LMBR1: variants seen among roughly 807,000 people sequenced by gnomAD.
LMBR1 encodes the protein limb region 1 protein homolog.
A neutral mutation model predicts 73.9 loss-of-function variants in LMBR1; 52 were observed. The ratio of observed to expected loss-of-function variants is 0.70; its 90% CI spans 0.56 to 0.89. LMBR1 has a LOEUF of 0.89. Among genes scored for constraint, LMBR1 ranks in the 40% least tolerant of loss-of-function variants. The pLI is 0.00. For missense variants in LMBR1, 539 were observed against 579.8 expected (o/e 0.93, Z 0.72); for synonymous variants, 215 against 209.4 (o/e 1.03, Z -0.23).
chr7:156,767,697 T>C (rs1180964840), intron 5 of LMBR1, among the ~76,000 whole-genome samples: 2 of 151,750 alleles, frequency 1.3e-5, no homozygotes, highest in Non-Finnish European at 2.9e-5. Flanking sequence ...ATAGTTAATA[T>C]AGTAAAAAAC....
chr7:156,714,170 C>T (rs1812695066), intron 15 of LMBR1, among the ~76,000 whole-genome samples: 1 of 152,326 alleles, frequency 6.6e-6, no homozygotes, highest in Non-Finnish European at 1.5e-5. Flanking sequence ...TGTTGTGTGG[C>T]AGGCCATCCC....
intron 1 of LMBR1, among the ~76,000 whole-genome samples, chr7:156,840,360 G>C (rs1433408769): frequency 6.6e-6 from 1 of 151,816 alleles, no homozygotes; most frequent in Non-Finnish European, 1.5e-5. Context: ...TCTGAGGAAA[G>C]AGTTGTGGGA....
At chr7:156,824,748 G>A (rs1228637634) in intron 4 of LMBR1, among the ~76,000 whole-genome samples, 3 of 152,082 alleles carry the variant, frequency 2.0e-5, no homozygotes, top group Non-Finnish European at 4.4e-5. Context: ...GGGAGGCTGA[G>A]GTGGGAGGAT....
chr7:156,754,154 GCTTTA>G (rs1402711743), intron 9 of LMBR1, among the ~76,000 whole-genome samples: 3 of 152,150 alleles, frequency 2.0e-5, no homozygotes, highest in Admixed American at 2.0e-4. Flanking sequence ...ACACAGCTTT[GCTTTA>G]CTTTATTAAC....
At chr7:156,888,125 T>C (rs976892966) in intron 1 of LMBR1, among the ~76,000 whole-genome samples, 10 of 152,118 alleles carry the variant, frequency 6.6e-5, no homozygotes, top group East Asian at 1.9e-4. Context: ...AAATTAAACA[T>C]AGAGGCCGGG....
intron 4 of LMBR1, among the ~76,000 whole-genome samples, chr7:156,809,645 A>C (rs780940139): frequency 2.2e-4 from 34 of 152,244 alleles, no homozygotes; most frequent in Admixed American, 2.0e-4. Flanking sequence ...TGGTTGGTTG[A>C]ATCTACAGAT....
chr7:156,731,422 T>C (rs555146918), intron 10 of LMBR1, among the ~76,000 whole-genome samples: 6 of 152,270 alleles, frequency 3.9e-5, no homozygotes, highest in South Asian at 4.1e-4. Context: ...AAGTGACACA[T>C]AGATTTCAAG....
At position 156,861,913 on chromosome 7, in the gene LMBR1, A is replaced by T. The variant is rs142285551; in HGVS notation, c.67-25028T>A. Among the ~76,000 whole-genome samples, 17 of 152,304 alleles carry T rather than the reference A, an allele frequency of 1.1e-4. No homozygotes were observed. In the East Asian group the frequency reaches 3.3e-3, roughly 29 times the overall value. On this transcript the variant is annotated intron_variant, in intron 1 of 16. Transcript: ENST00000353442. ...ATCTGCATTTTTGTCAAAGCCACTC[A>T]ACAAGTCTCTAGGGAGATCCAAACT... is the stretch of plus-strand genomic sequence containing the variant.
At chr7:156,753,241 C>T (rs1821225181) in intron 9 of LMBR1, among the ~76,000 whole-genome samples, 1 of 151,940 alleles carries the variant, frequency 6.6e-6, no homozygotes, top group African/African-American at 2.4e-5. Context: ...ACGAAAAAGG[C>T]ACAGAATCAG....
In LMBR1 at chr7:156,870,883, T is replaced by G. The variant is rs1480823900; in HGVS notation, c.66+22045A>C. Among the ~76,000 whole-genome samples the G allele has an allele frequency of 5.9e-5, 9 of 151,266 alleles. No individual in the cohort carries two copies. In the South Asian group the frequency reaches 1.0e-3, roughly 18 times the overall value. The stretch of plus-strand genomic sequence containing the variant: ...ATGCTGACATTAAAAACAAGAAAAG[T>G]CTCAAATAACCTCACTTTACAGCTC... On this transcript the variant is annotated intron_variant, in intron 1 of 16. Transcript: ENST00000353442.
At chr7:156,673,299 G>GA (rs942681297), downstream of LMBR1, among the ~76,000 whole-genome samples, 2 of 152,132 alleles carry the variant, frequency 1.3e-5, no homozygotes, top group African/African-American at 2.4e-5. Context: ...ACAATTTACA[G>GA]AAAACCTGAA....
chr7:156,800,010 A>G (rs2886450), intron 4 of LMBR1, among the ~76,000 whole-genome samples: 67,029 of 152,050 alleles, frequency 0.44, 14,954 homozygotes, highest in East Asian at 0.61. Flanking sequence ...TGAAGCTACC[A>G]GAGGTTGGTT....
intron 9 of LMBR1, among the ~76,000 whole-genome samples, chr7:156,752,969 TG>T (rs574389274): frequency 1.4e-5 from 2 of 138,310 alleles, no homozygotes; most frequent in Admixed American, 1.5e-4. Context: ...GGGGAAATGA[TG>T]GGGGGTGAGA....
chr7:156,866,232 T>C (rs917168374), intron 1 of LMBR1, among the ~76,000 whole-genome samples: 1 of 151,976 alleles, frequency 6.6e-6, no homozygotes, highest in Non-Finnish European at 1.5e-5. Flanking sequence ...ACAACGAAAC[T>C]CTCCAAAAGA....
At chr7:156,719,843 A>C (rs1429476093) in intron 15 of LMBR1, among the ~76,000 whole-genome samples, 1 of 152,234 alleles carries the variant, frequency 6.6e-6, no homozygotes, top group African/African-American at 2.4e-5. Flanking sequence ...TGACAAAAAC[A>C]AGAAATGGGG....
downstream of LMBR1, chr7:156,676,252 T>C: frequency 6.5e-7 from 1 of 1,537,802 alleles, no homozygotes. Context: ...TGTGTATATA[T>C]ATATGTATAT....
chr7:156,766,545 T>C (rs1292025283), intron 5 of LMBR1, among the ~76,000 whole-genome samples: 3 of 152,080 alleles, frequency 2.0e-5, no homozygotes, highest in Non-Finnish European at 2.9e-5. Context: ...ATCTCAGACT[T>C]TTCACAGTTC....
At chr7:156,745,092 G>A (rs182101140) in intron 9 of LMBR1, among the ~76,000 whole-genome samples, 2 of 152,240 alleles carry the variant, frequency 1.3e-5, no homozygotes, top group Admixed American at 1.3e-4. Context: ...ATATTCACAA[G>A]GTCTGGGGAT....
intron 5 of LMBR1, among the ~76,000 whole-genome samples, chr7:156,776,607 C>T (rs761661790): frequency 6.6e-5 from 10 of 152,162 alleles, no homozygotes; most frequent in African/African-American, 1.2e-4. Flanking sequence ...TCTGCCTCCA[C>T]ATCCTCAGAA....
Sources: gnomAD v4.1 joint callset for allele counts (sites outside exome capture counted in the v4.1 genomes callset) on GRCh38, gnomAD v4.1.1 for gene constraint, MANE v1.5 for transcripts, NCBI Gene and HGNC (gene_info 2026-07-23, HGNC 2026-07-21) for gene names.